The following TBX20 variants were observed in gnomAD, a reference collection of about 807,000 sequenced individuals.
The protein encoded by TBX20 is T-box transcription factor 20.
In TBX20, 8 loss-of-function variants were observed where a neutral mutation model predicts 42.9. The observed-to-expected ratio is 0.19, with a 90% confidence interval of 0.11 to 0.34. TBX20 has a LOEUF of 0.34. TBX20 is among the 10% of genes least tolerant of loss of function. The pLI is 1.00. For synonymous variants in TBX20, 198 were observed against 222.8 expected (o/e 0.89, Z 0.99); for missense variants, 411 against 566.0 (o/e 0.73, Z 2.78).
intron 5 of TBX20, among the ~76,000 whole-genome samples, chr7:35,239,496 T>C (rs372377759): frequency 6.6e-6 from 1 of 152,188 alleles, no homozygotes; most frequent in African/African-American, 2.4e-5. Flanking sequence ...TCCTTTTATA[T>C]TGAAGTGTAT....
intron 6 of TBX20, among the ~76,000 whole-genome samples, chr7:35,229,910 G>A (rs563910023): frequency 3.3e-5 from 5 of 152,204 alleles, no homozygotes; most frequent in South Asian, 4.2e-4. Context: ...CTAGATGAGC[G>A]TACAGACTCA....
At chr7:35,252,390 T>C (rs1158996092) in intron 1 of TBX20, among the ~76,000 whole-genome samples, 1 of 152,092 alleles carries the variant, frequency 6.6e-6, no homozygotes, top group Admixed American at 6.5e-5. Flanking sequence ...ATTTTTTTTT[T>C]TTTTTGACAT....
intron 6 of TBX20, among the ~76,000 whole-genome samples, chr7:35,209,045 G>A (rs1789450894): frequency 6.6e-6 from 1 of 152,014 alleles, no homozygotes; most frequent in Non-Finnish European, 1.5e-5. Flanking sequence ...ATGTTAAATC[G>A]ACCTTGCAGT....
At chr7:35,243,931 T>C (rs533356536) in intron 4 of TBX20, among the ~76,000 whole-genome samples, 14 of 152,328 alleles carry the variant, frequency 9.2e-5, no homozygotes, top group Admixed American at 9.1e-4. Context: ...CCAGGTTTAA[T>C]CCAACCATAT....
At chr7:35,224,672 CCA>C (rs1335139286) in intron 6 of TBX20, among the ~76,000 whole-genome samples, 26 of 3,646 alleles carry the variant, frequency 7.1e-3, no homozygotes, top group Admixed American at 9.0e-3. Context: ...AACTCTGTTT[CCA>C]AAAAAAAAAA....
At chr7:35,215,135 T>C (rs1789562526) in intron 6 of TBX20, among the ~76,000 whole-genome samples, 1 of 152,216 alleles carries the variant, frequency 6.6e-6, no homozygotes, top group African/African-American at 2.4e-5. Context: ...AACATTATAT[T>C]CATTTTGCCC....
In TBX20 at chr7:35,214,220, C is replaced by T. The variant is rs1270926850; in HGVS notation, c.891-9638G>A. Among the ~76,000 whole-genome samples, 3 of 151,956 alleles carry T rather than the reference C, an allele frequency of 2.0e-5. No individual in the cohort carries two copies. In the South Asian group the frequency reaches 6.2e-4, roughly 32 times the overall value. On this transcript the variant is annotated intron_variant, in intron 6 of 7. Coordinates refer to ENST00000408931, the MANE Select transcript of TBX20 (RefSeq NM_001077653.2). ...ATTTATTCTGCCTGTCTGTATAATCCTAATTCAGAATAATGTGGTCCAAAC... is the reference window on the plus strand; with the variant it reads ...ATTTATTCTGCCTGTCTGTATAATCTTAATTCAGAATAATGTGGTCCAAAC...
At chr7:35,227,121 C>T (rs1196036149) in intron 6 of TBX20, among the ~76,000 whole-genome samples, 3 of 147,754 alleles carry the variant, frequency 2.0e-5, no homozygotes, top group Admixed American at 6.7e-5. Flanking sequence ...AAAAAACTTA[C>T]GGAATAAGGA....
At chr7:35,250,255 G>C (rs1192433340) in intron 1 of TBX20, 52 bp from the exon 2 acceptor site, 1 of 1,564,818 alleles carries the variant, frequency 6.4e-7, no homozygotes, top group Admixed American at 1.9e-5. Context: ...AACAAGGAAA[G>C]ATCTGGAAAG....
At chr7:35,228,816 C>G (rs1208550186) in intron 6 of TBX20, among the ~76,000 whole-genome samples, 1 of 152,030 alleles carries the variant, frequency 6.6e-6, no homozygotes, top group East Asian at 1.9e-4. Flanking sequence ...TCTCGGTTGA[C>G]CACAGTAGGT....
At chr7:35,239,989 A>G (rs1257644293) in intron 5 of TBX20, among the ~76,000 whole-genome samples, 4 of 152,100 alleles carry the variant, frequency 2.6e-5, no homozygotes, top group Non-Finnish European at 5.9e-5. Flanking sequence ...ACCTCAGGTG[A>G]TCCACCCACC....
intron 5 of TBX20, among the ~76,000 whole-genome samples, chr7:35,238,908 G>T (rs1432697485): frequency 2.0e-5 from 3 of 151,604 alleles, no homozygotes; most frequent in Non-Finnish European, 4.4e-5. Flanking sequence ...AATACAAATG[G>T]TGACAAATTC....
At chr7:35,253,470 G>T in intron 1 of TBX20, 24 bp downstream of exon 1, 1 of 1,602,812 alleles carries the variant, frequency 6.2e-7, no homozygotes, top group East Asian at 2.3e-5. Context: ...AGTCCTCGGC[G>T]GACAGCCGGG....
intron 6 of TBX20, among the ~76,000 whole-genome samples, chr7:35,223,453 G>T (rs907744997): frequency 4.6e-5 from 7 of 152,176 alleles, no homozygotes; most frequent in African/African-American, 1.7e-4. Flanking sequence ...ACTGAGAAGA[G>T]AAGTGCAAGG....
chr7:35,253,239 A>G (rs1359833376), intron 1 of TBX20, among the ~76,000 whole-genome samples: 1 of 152,248 alleles, frequency 6.6e-6, no homozygotes, highest in African/African-American at 2.4e-5. Flanking sequence ...CACACACACC[A>G]TATGTCTGAT....
intron 5 of TBX20, among the ~76,000 whole-genome samples, chr7:35,232,463 G>A (rs1361146025): frequency 6.6e-6 from 1 of 152,164 alleles, no homozygotes; most frequent in Non-Finnish European, 1.5e-5. Flanking sequence ...CTGAAAGGAA[G>A]CTGAGAGACC....
chr7:35,244,521 G>T (rs1790143130), intron 4 of TBX20, among the ~76,000 whole-genome samples: 1 of 152,106 alleles, frequency 6.6e-6, no homozygotes, highest in South Asian at 2.1e-4. Flanking sequence ...ATGTTCTATA[G>T]ACTACACTTT....
At chr7:35,248,883 C>T (rs1314297230) in intron 2 of TBX20, 42 bp from the exon 3 acceptor site, 2 of 1,612,428 alleles carry the variant, frequency 1.2e-6, no homozygotes, top group South Asian at 1.1e-5. Flanking sequence ...GTTTATGCTG[C>T]CTAATAAACT....
intron 6 of TBX20, among the ~76,000 whole-genome samples, chr7:35,208,481 G>A (rs1173261051): frequency 2.6e-5 from 4 of 152,026 alleles, no homozygotes; most frequent in Non-Finnish European, 2.9e-5. Context: ...AGTGGTTCAC[G>A]CCTGTAATCC....
Sources: allele counts gnomAD v4.1 joint callset (sites outside exome capture counted in the v4.1 genomes callset), GRCh38; gene constraint gnomAD v4.1.1; transcripts MANE v1.5; gene names NCBI Gene and HGNC (gene_info 2026-07-23, HGNC 2026-07-21).